COL12A1: variants seen among roughly 807,000 people sequenced by gnomAD.
The protein encoded by COL12A1 is collagen alpha-1(XII) chain.
A neutral mutation model predicts 349.7 loss-of-function variants in COL12A1; 114 were observed. The ratio of observed to expected loss-of-function variants is 0.33; its 90% confidence interval spans 0.28 to 0.38. COL12A1 has a LOEUF of 0.38. Among genes scored for constraint, COL12A1 ranks in the 10% least tolerant of loss-of-function variants. COL12A1 has a pLI of 1.00. For missense variants in COL12A1, 3,284 were observed against 3,756.9 expected (o/e 0.87, Z 3.29); for synonymous variants, 1,369 against 1,329.0 (o/e 1.03, Z -0.66).
At chr6:75,141,852 G>A (rs1179734624) in intron 27 of COL12A1, among the ~76,000 whole-genome samples, 180 bp downstream of exon 27, 1 of 152,134 alleles carries the variant, frequency 6.6e-6, no homozygotes, top group Non-Finnish European at 1.5e-5. Context: ...AGGAATGGAT[G>A]CAAAGATAGA....
At chr6:75,147,564 T>A (rs1003639493) in intron 23 of COL12A1, 111 bp downstream of exon 23, 65 of 1,085,594 alleles carry the variant, frequency 6.0e-5, no homozygotes, top group Non-Finnish European at 8.3e-5. Context: ...AGTAAATATT[T>A]ATAGAATGAA....
intron 57 of COL12A1, 66 bp downstream of exon 57, chr6:75,101,933 T>C (rs1412578211): frequency 1.3e-6 from 2 of 1,551,630 alleles, no homozygotes; most frequent in Admixed American, 1.7e-5. Context: ...TGGGTTCACC[T>C]TTTGAGGCAC....
intron 13 of COL12A1, among the ~76,000 whole-genome samples, chr6:75,169,453 A>G (rs2149444080): frequency 6.6e-6 from 1 of 152,318 alleles, no homozygotes; most frequent in South Asian, 2.1e-4. Context: ...AAGCAACCCT[A>G]GTAGACTTTT....
chr6:75,147,690 C>T lies in COL12A1; in HGVS notation c.4402G>A (p.Gly1468Arg), dbSNP rs771110521. 14 of 1,603,972 alleles carry T rather than the reference C, an allele frequency of 8.7e-6. No homozygotes were observed. The Admixed American group carries it at 2.4e-4, about 28-fold the overall frequency. ...TCTGACTCACAGGTTTTTTCTGTCC[C>T]CTTCAGAGGCTCACTATATTCATCT... ...VEDEYSEPLK[G>R]TEKTLPVPVV... Residue 1468 changes from glycine to arginine, a missense_variant, in exon 23 of 66, where the codon GGG (glycine) becomes AGG (arginine). Around this residue, in one of 2 missense-constraint regions of COL12A1, gnomAD observed 2,601 missense variants for 2,824.8 expected, o/e 0.92. Coordinates refer to ENST00000322507, the MANE Select transcript of COL12A1 (RefSeq NM_004370.6).
rs932009209 is a variant in COL12A1, at chr6:75,165,648, T to A, written c.2842A>T (p.Thr948Ser). 4 of 1,613,938 alleles carry A rather than the reference T, an allele frequency of 2.5e-6. No individual in the cohort carries two copies. In the African/African-American group the frequency reaches 5.3e-5, roughly 22 times the overall value. The change falls in exon 14 of 66, where the codon ACT (threonine) becomes TCT (serine). Residue 948 changes from threonine (T) to serine (S), a missense_variant. Coordinates refer to ENST00000322507, the MANE Select transcript of COL12A1 (RefSeq NM_004370.6). ...TCTTCAGGCAGATTTTTCTCTCCAG[T>A]GTCAACATCATCATAAAGTGATTTC... ...SWKSLYDDVDTGEKNLPEDAI... is the reference protein window; with the variant it reads ...SWKSLYDDVDSGEKNLPEDAI...
chr6:75,124,029 G>A lies in COL12A1; in HGVS notation c.6790C>T (p.Pro2264Ser). The A allele has an allele frequency of 6.2e-7, 1 of 1,613,970 alleles. No individual in the cohort carries two copies. Among genetic ancestry groups the A allele is most frequent in the Non-Finnish European group, 8.5e-7 (1 of 1,179,890 alleles). Residue 2264 changes from proline to serine, a missense_variant, in exon 42 of 66, where the codon CCA (proline) becomes TCA (serine). By Grantham distance (74) the Pro-to-Ser change is moderately conservative. Transcript: ENST00000322507. ...ACAGTGACACCATAATCAGTGTCTGGTGAAAGGCCAGTGAAGCAGTGACTG... is the reference window on the plus strand; with the variant it reads ...ACAGTGACACCATAATCAGTGTCTGATGAAAGGCCAGTGAAGCAGTGACTG... ...ETSHCFTGLS[P>S]DTDYGVTVFV...
intron 47 of COL12A1, among the ~76,000 whole-genome samples, chr6:75,117,144 T>A (rs1022903991): frequency 6.6e-6 from 1 of 152,154 alleles, no homozygotes; most frequent in Non-Finnish European, 1.5e-5. Flanking sequence ...GGGAAAAGGA[T>A]ATATTGAAAC....
At position 75,165,565 on chromosome 6, in the gene COL12A1, T is replaced by C. The variant is rs745722449; in HGVS notation, c.2925A>G (p.Val975=). 1 of 1,613,858 alleles carries C rather than the reference T, an allele frequency of 6.2e-7. No individual in the cohort carries two copies. Among genetic ancestry groups the C allele is most frequent in the South Asian group, 1.1e-5 (1 of 91,086 alleles). Residue 975 remains valine (V), a synonymous_variant, in exon 14 of 66, where the codon GTA becomes GTG. Coordinates refer to ENST00000322507, the MANE Select transcript of COL12A1 (RefSeq NM_004370.6). Reference sequence around the variant, plus strand: ...CTTCTCCACTGCTGTAAGTGGCAAATACTGAAATTCTGTATTTGGTCTCTG... The same window carrying C: ...CTTCTCCACTGCTGTAAGTGGCAAACACTGAAATTCTGTATTTGGTCTCTG... The part of the protein sequence containing the change: ...LQPETKYRIS[V]FATYSSGEGE...
chr6:75,106,434 A>G lies in COL12A1; in HGVS notation c.8163T>C (p.Cys2721=), dbSNP rs1768548819. Residue 2721 remains cysteine, a synonymous_variant, in exon 53 of 66, where the codon TGT becomes TGC. Coordinates refer to ENST00000322507, the MANE Select transcript of COL12A1 (RefSeq NM_004370.6). ...TTTTACTTACCCTAGAGGGAATATC[A>G]CAGCATCTGTCTCTACTGGTCCACA... ...SPVWTSRDRC[C]DIPSRRDEGK... 1 of 1,613,680 alleles carries G rather than the reference A, an allele frequency of 6.2e-7. No homozygotes were observed. Among genetic ancestry groups the G allele is most frequent in the African/African-American group, 1.3e-5 (1 of 74,920 alleles).
chr6:75,120,550 C>T (rs1328811151), intron 44 of COL12A1, among the ~76,000 whole-genome samples: 2 of 151,998 alleles, frequency 1.3e-5, no homozygotes, highest in Admixed American at 6.6e-5. Flanking sequence ...CAGAGTCACA[C>T]AATTAATGAC....
intron 13 of COL12A1, among the ~76,000 whole-genome samples, chr6:75,171,393 T>A (rs552415758): frequency 2.8e-3 from 430 of 152,362 alleles, no homozygotes; most frequent in Middle Eastern, 0.017. Context: ...GGGAATTTTC[T>A]GATCATTGGC....
At chr6:75,118,783 G>C (rs1409619200) in intron 46 of COL12A1, among the ~76,000 whole-genome samples, 1 of 152,188 alleles carries the variant, frequency 6.6e-6, no homozygotes, top group Non-Finnish European at 1.5e-5. Context: ...GCTTTCTGTA[G>C]CCTTCCAGCC....
chr6:75,087,556 C>T, intron 65 of COL12A1, 21 bp downstream of exon 65: 1 of 1,612,346 alleles, frequency 6.2e-7, no homozygotes, highest in South Asian at 1.1e-5. Context: ...AGTTGGGGTT[C>T]CTACAATGGC....
intron 17 of COL12A1, among the ~76,000 whole-genome samples, chr6:75,153,303 GC>G (rs1335256727): frequency 6.6e-6 from 1 of 152,098 alleles, no homozygotes; most frequent in Non-Finnish European, 1.5e-5. Context: ...CATAGGAAAA[GC>G]TTTGGAAAGA....
intron 12 of COL12A1, among the ~76,000 whole-genome samples, chr6:75,177,342 C>G (rs1769014617): frequency 6.6e-6 from 1 of 152,000 alleles, no homozygotes; most frequent in Admixed American, 6.6e-5. Flanking sequence ...GAGGCTGAAT[C>G]AGGAGAATCA....
At position 75,134,872 on chromosome 6, in the gene COL12A1, C is replaced by T. The variant is rs749057446; in HGVS notation, c.5395-17G>A. 6.2e-7 allele frequency: 1 copy of T among 1,606,848 alleles called. No homozygotes were observed. The highest frequency in any genetic ancestry group is 8.5e-7 in the Non-Finnish European group (1 of 1,175,298). On this transcript the variant is annotated splice_polypyrimidine_tract_variant and intron_variant, in intron 31 of 65. Transcript: ENST00000322507. Reference sequence around the variant, plus strand: ...TATTGTGGTCTTGAGTAAAAAGGGTCTTGGTAAGTGTCAGCCTTGCTCTCT... The same window carrying T: ...TATTGTGGTCTTGAGTAAAAAGGGTTTTGGTAAGTGTCAGCCTTGCTCTCT...
intron 51 of COL12A1, among the ~76,000 whole-genome samples, chr6:75,109,635 T>C (rs191076873): frequency 7.0e-4 from 106 of 152,244 alleles, no homozygotes; most frequent in Non-Finnish European, 1.4e-3. Flanking sequence ...GCATACCATA[T>C]AGATACCTCA....
intron 25 of COL12A1, among the ~76,000 whole-genome samples, chr6:75,144,683 A>G (rs1176850225): frequency 6.6e-6 from 1 of 152,224 alleles, no homozygotes; most frequent in Non-Finnish European, 1.5e-5. Flanking sequence ...CAAAAGGCTG[A>G]CCAACACACA....
rs1315383903 is a variant in COL12A1, at chr6:75,131,962, T to C, written c.5915A>G (p.Asp1972Gly). The C allele has an allele frequency of 6.2e-7, 1 of 1,614,054 alleles. No homozygotes were observed. Among genetic ancestry groups the C allele is most frequent in the South Asian group, 1.1e-5 (1 of 91,064 alleles). Reference protein sequence around the residue: ...LQYRVVYSPVDGTRPSESIVV... With the variant: ...LQYRVVYSPVGGTRPSESIVV... The stretch of plus-strand genomic sequence containing the variant: ...TACAGATTCTGAGGGTCTTGTGCCA[T>C]CCACAGGAGAATACACAACGCGATA... The change falls in exon 35 of 66, where the codon GAT becomes GGT. Residue 1972 changes from aspartate (D) to glycine (G), a missense_variant. Physicochemically the swap from Asp to Gly is moderately conservative, Grantham distance 94 (BLOSUM62 -1). Around this residue, in one of 2 missense-constraint regions of COL12A1, gnomAD observed 2,601 missense variants for 2,824.8 expected, o/e 0.92. Transcript: ENST00000322507.
Sources: allele counts gnomAD v4.1 joint callset (sites outside exome capture counted in the v4.1 genomes callset), GRCh38; gene constraint gnomAD v4.1.1; regional missense constraint gnomAD v4.1.1; transcripts MANE v1.5; gene names NCBI Gene and HGNC (gene_info 2026-07-23, HGNC 2026-07-21).